The following FGFR2 variants were observed in gnomAD, a reference collection of about 807,000 sequenced individuals.
The protein encoded by FGFR2 is BEK fibroblast growth factor receptor.
A neutral mutation model predicts 95.9 loss-of-function variants in FGFR2; 19 were observed. The observed-to-expected ratio is 0.20, with a 90% CI of 0.14 to 0.29. The LOEUF is 0.29. Ranked by LOEUF, FGFR2 falls within the 10% of genes least tolerant of loss-of-function variation. The pLI, the probability that FGFR2 is intolerant of heterozygous loss-of-function variation, is 1.00. For missense variants in FGFR2, 707 were observed against 1,056.9 expected, an observed-to-expected ratio of 0.67 and a Z score of 4.59; for synonymous variants, 392 against 393.3, an observed-to-expected ratio of 1.00 and a Z score of 0.04.
intron 2 of FGFR2, among the ~76,000 whole-genome samples, chr10:121,570,924 G>T (rs951172648): frequency 2.0e-5 from 3 of 152,172 alleles, no homozygotes; most frequent in Admixed American, 6.5e-5. Context: ...TTGCATCCAC[G>T]TGAATTTTCT....
chr10:121,570,732 A>T (rs1275117341), intron 2 of FGFR2, among the ~76,000 whole-genome samples: 1 of 152,190 alleles, frequency 6.6e-6, no homozygotes, highest in Non-Finnish European at 1.5e-5. Context: ...TGTATTTTTC[A>T]CAATATGAAT....
At chr10:121,540,546 TGGG>T (rs1853562223) in intron 5 of FGFR2, among the ~76,000 whole-genome samples, 1 of 152,184 alleles carries the variant, frequency 6.6e-6, no homozygotes, top group Non-Finnish European at 1.5e-5. Flanking sequence ...GCTAAGAGCA[TGGG>T]ACACATAGGT....
chr10:121,485,278 T>C lies in FGFR2; in HGVS notation c.2195+117A>G. The stretch of plus-strand genomic sequence containing the variant: ...GATTGAGCCCAGAGAGCTTCAGCCA[T>C]TCTTCTTAGAGCATGTTTAGGAAAC... On this transcript the variant is annotated intron_variant, in intron 16 of 17. Coordinates refer to ENST00000358487, the MANE Select transcript of FGFR2 (RefSeq NM_000141.5). The surrounding 1 kb of genome is among the most constrained non-coding windows in gnomAD (Gnocchi z 4.2). 7.2e-7 allele frequency: 1 copy of C among 1,392,940 alleles called. No individual in the cohort carries two copies. Among genetic ancestry groups the C allele is most frequent in the Non-Finnish European group, 1.0e-6 (1 of 982,778 alleles). The allele number at this position is 1,392,940 out of a possible 1,614,324, so 86.3% of individuals were successfully genotyped here.
chr10:121,509,779 G>A (rs908692248), intron 9 of FGFR2, among the ~76,000 whole-genome samples: 8 of 151,832 alleles, frequency 5.3e-5, no homozygotes, highest in African/African-American at 1.7e-4. Context: ...CACTGCGCCC[G>A]GTCTAACAGT....
chr10:121,561,470 T>C (rs1006670252), intron 4 of FGFR2, among the ~76,000 whole-genome samples: 1 of 143,588 alleles, frequency 7.0e-6, no homozygotes, highest in African/African-American at 2.6e-5. Context: ...TTTCAACAAA[T>C]AGTCCCAGAA....
At chr10:121,583,124 T>C (rs1432199352) in intron 2 of FGFR2, among the ~76,000 whole-genome samples, 1 of 152,206 alleles carries the variant, frequency 6.6e-6, no homozygotes, top group Non-Finnish European at 1.5e-5. Context: ...TTTTCTTTTT[T>C]GGCTTTCTTA....
At chr10:121,528,770 A>C (rs1439932593) in intron 6 of FGFR2, among the ~76,000 whole-genome samples, 18 of 152,224 alleles carry the variant, frequency 1.2e-4, no homozygotes, top group Admixed American at 1.2e-3. Flanking sequence ...ATAGTCACCC[A>C]GATCACAAAA....
intron 6 of FGFR2, among the ~76,000 whole-genome samples, chr10:121,524,500 A>C (rs1851053151): frequency 6.6e-6 from 1 of 152,176 alleles, no homozygotes; most frequent in African/African-American, 2.4e-5. Context: ...CTCTGCCCTT[A>C]AACAAGTCGG....
intron 2 of FGFR2, among the ~76,000 whole-genome samples, chr10:121,566,313 G>A (rs1343403134): frequency 6.6e-6 from 1 of 152,154 alleles, no homozygotes; most frequent in Non-Finnish European, 1.5e-5. Context: ...TGTGCTGGGT[G>A]AGCTGAGACC....
chr10:121,551,400 C>T lies in FGFR2; in HGVS notation c.514G>A (p.Ala172Thr), dbSNP rs2134837876. The T allele has an allele frequency of 1.2e-6, 2 of 1,614,164 alleles. No individual in the cohort carries two copies. Among genetic ancestry groups the T allele is most frequent in the Non-Finnish European group, 8.5e-7 (1 of 1,180,042 alleles). Reference sequence around the variant, plus strand: ...GGGCAGCGAAACTTGACAGTGTTGGCCGCAGGCACAGCATGGAGCCGCTTT... The same window carrying T: ...GGGCAGCGAAACTTGACAGTGTTGGTCGCAGGCACAGCATGGAGCCGCTTT... ...MEKRLHAVPAANTVKFRCPAG... is the reference protein window; with the variant it reads ...MEKRLHAVPATNTVKFRCPAG... The change falls in exon 5 of 18, where the codon GCC becomes ACC. Residue 172 changes from alanine to threonine, a missense_variant. This residue lies in a region of FGFR2 where 139 missense variants were observed against 278.1 expected (regional missense o/e 0.50). Transcript: ENST00000358487.
chr10:121,545,414 G>A (rs1854356784), intron 5 of FGFR2, among the ~76,000 whole-genome samples: 1 of 152,162 alleles, frequency 6.6e-6, no homozygotes, highest in Admixed American at 6.5e-5. Flanking sequence ...GTAGGGGTAG[G>A]GCAAGCCCTC....
chr10:121,561,439 A>C (rs1383273309), intron 4 of FGFR2, among the ~76,000 whole-genome samples: 10 of 152,028 alleles, frequency 6.6e-5, no homozygotes, highest in Non-Finnish European at 1.0e-4. Context: ...AAAAAAAAAA[A>C]AAAAACCTAA....
At chr10:121,549,646 TC>T (rs1855078220) in intron 5 of FGFR2, among the ~76,000 whole-genome samples, 1 of 152,150 alleles carries the variant, frequency 6.6e-6, no homozygotes, top group Non-Finnish European at 1.5e-5. Flanking sequence ...CTCTGGCTCC[TC>T]CTTTGCTCAA....
Position 121,485,630 on chromosome 10 carries a change from G to T in FGFR2, c.2058-98C>A. On this transcript the variant is annotated intron_variant, in intron 15 of 17. Coordinates refer to ENST00000358487, the MANE Select transcript of FGFR2 (RefSeq NM_000141.5). This position sits in a 1 kb window ranked among gnomAD's most constrained non-coding sequence, Gnocchi z 4.2. The stretch of plus-strand genomic sequence containing the variant: ...ACATAAACACCTCCTCACTTCTGAA[G>T]TTCAAAGACAAATGGGCCCTCCTGC... 6.5e-7 allele frequency: 1 copy of T among 1,545,014 alleles called. No individual in the cohort carries two copies. Among genetic ancestry groups the T allele is most frequent in the Non-Finnish European group, 8.9e-7 (1 of 1,126,674 alleles).
At chr10:121,586,588 T>C (rs12412609) in intron 2 of FGFR2, among the ~76,000 whole-genome samples, 11 of 152,204 alleles carry the variant, frequency 7.2e-5, no homozygotes, top group Admixed American at 6.5e-4. Flanking sequence ...AAATTACACA[T>C]TCAGCATCTG....
chr10:121,579,834 T>G (rs1017694154), intron 2 of FGFR2, among the ~76,000 whole-genome samples: 6 of 152,004 alleles, frequency 3.9e-5, no homozygotes. Flanking sequence ...TTACTGCGAG[T>G]TGGGGCGGCT....
intron 2 of FGFR2, among the ~76,000 whole-genome samples, chr10:121,573,826 T>C (rs2135252616): frequency 6.6e-6 from 1 of 152,218 alleles, no homozygotes; most frequent in South Asian, 2.1e-4. Flanking sequence ...GGAAGGGTAG[T>C]AAAATGGCCT....
At chr10:121,514,723 C>T (rs1395154685) in intron 9 of FGFR2, among the ~76,000 whole-genome samples, 2 of 152,128 alleles carry the variant, frequency 1.3e-5, no homozygotes, top group African/African-American at 4.8e-5. Context: ...TGGCATAAGT[C>T]CCAAGCGAAT....
chr10:121,529,169 C>T (rs1851772499), intron 6 of FGFR2, among the ~76,000 whole-genome samples: 1 of 152,148 alleles, frequency 6.6e-6, no homozygotes, highest in Non-Finnish European at 1.5e-5. Flanking sequence ...AGTGCAGTGG[C>T]ACAATCTCAG....
Sources: gnomAD v4.1 joint callset for allele counts (sites outside exome capture counted in the v4.1 genomes callset) on GRCh38, gnomAD v4.1.1 for gene constraint, gnomAD v4.1.1 regional missense constraint, Gnocchi (gnomAD v3.1) non-coding constraint, MANE v1.5 for transcripts, NCBI Gene and HGNC (gene_info 2026-07-23, HGNC 2026-07-21) for gene names.